Variants in CDYL2 observed in about 807,000 individuals in gnomAD.
The protein encoded by CDYL2 is chromodomain Y-like protein 2.
Under a neutral mutation model 49.4 loss-of-function variants are expected in CDYL2, and 23 were observed. The ratio of observed to expected loss-of-function variants is 0.47; its 90% CI spans 0.34 to 0.66. The LOEUF is 0.66. Ranked by LOEUF, CDYL2 falls within the 30% of genes least tolerant of loss-of-function variation. CDYL2 has a pLI of 0.01. For missense variants in CDYL2, 678 were observed against 656.4 expected (o/e 1.03, Z -0.36); for synonymous variants, 360 against 268.8 (o/e 1.34, Z -3.32).
At chr16:80,702,042 G>T (rs549841878) in intron 1 of CDYL2, among the ~76,000 whole-genome samples, 45 of 152,254 alleles carry the variant, frequency 3.0e-4, no homozygotes, top group South Asian at 8.3e-4. Context: ...CCAAATAGCA[G>T]AATTATTGCA....
rs1906662122 is a variant in CDYL2 at position 80,612,803 on chromosome 16, C to T, written c.1041G>A (p.Lys347=). 6.2e-7 allele frequency: 1 copy of T among 1,613,658 alleles called. No individual in the cohort carries two copies. The highest frequency in any genetic ancestry group is 8.5e-7 in the Non-Finnish European group (1 of 1,179,854). Residue 347 remains lysine (K), a synonymous_variant, in exon 5 of 7, where the codon AAG becomes AAA. Coordinates refer to ENST00000570137, the MANE Select transcript of CDYL2 (RefSeq NM_152342.4). This position sits in a 1 kb window ranked among gnomAD's most constrained non-coding sequence, Gnocchi z 5.0. ...GCCCATTGATGGCCACCACGATAGG[C>T]TTCTTAAACTGGATAAAGGCCTTCA... The part of the protein sequence containing the change: ...DFVKAFIQFK[K]PIVVAINGPA...
At chr16:80,709,459 A>G (rs1904517857) in intron 1 of CDYL2, among the ~76,000 whole-genome samples, 1 of 152,126 alleles carries the variant, frequency 6.6e-6, no homozygotes, top group Non-Finnish European at 1.5e-5. Flanking sequence ...CATAACGCAA[A>G]TTTTGCATTT....
At chr16:80,680,761 T>C (rs1909937923) in intron 2 of CDYL2, among the ~76,000 whole-genome samples, 3 of 152,108 alleles carry the variant, frequency 2.0e-5, no homozygotes, top group African/African-American at 2.4e-5. Context: ...CTATGAACCA[T>C]CTCTTACGAC....
chr16:80,785,856 A>G (rs1360089287), intron 1 of CDYL2, among the ~76,000 whole-genome samples: 1 of 152,208 alleles, frequency 6.6e-6, no homozygotes, highest in African/African-American at 2.4e-5. Context: ...CACAAAAGCA[A>G]TGGGGAAAAG....
chr16:80,663,688 G>A (rs1326106026), intron 2 of CDYL2, among the ~76,000 whole-genome samples: 2 of 152,070 alleles, frequency 1.3e-5, no homozygotes, highest in Admixed American at 6.6e-5. Context: ...CGCATCCTGG[G>A]TTCAAGTGAT....
chr16:80,642,658 G>A (rs1227855975), intron 2 of CDYL2, among the ~76,000 whole-genome samples: 1 of 152,136 alleles, frequency 6.6e-6, no homozygotes, highest in Admixed American at 6.5e-5. Context: ...TCAGAATCAT[G>A]GAGGGAGGTG....
intron 1 of CDYL2, among the ~76,000 whole-genome samples, chr16:80,753,185 G>A (rs1198674371): frequency 2.0e-5 from 3 of 151,694 alleles, no homozygotes; most frequent in Non-Finnish European, 4.4e-5. Context: ...CACATAAATG[G>A]TCAATAATTT....
intron 1 of CDYL2, among the ~76,000 whole-genome samples, chr16:80,789,583 G>C (rs987864821): frequency 6.6e-6 from 1 of 151,638 alleles, no homozygotes; most frequent in Non-Finnish European, 1.5e-5. Context: ...CTGGGCAACA[G>C]AGTGAGACTC....
intron 1 of CDYL2, among the ~76,000 whole-genome samples, chr16:80,716,455 TGGATGAATGGAC>T (rs1904803244): frequency 6.6e-6 from 1 of 151,308 alleles, no homozygotes; most frequent in Admixed American, 6.6e-5. Flanking sequence ...GATGCATGGA[TGGATGAATGGAC>T]GGATAGCTGG....
chr16:80,665,439 C>T (rs149753062), intron 2 of CDYL2, among the ~76,000 whole-genome samples: 290 of 147,908 alleles, frequency 2.0e-3, no homozygotes, highest in African/African-American at 7.1e-3. Flanking sequence ...ATCTTGTGAC[C>T]AGTTGTTTCT....
At chr16:80,767,191 C>T (rs374563950) in intron 1 of CDYL2, among the ~76,000 whole-genome samples, 2 of 152,276 alleles carry the variant, frequency 1.3e-5, no homozygotes, top group African/African-American at 2.4e-5. Flanking sequence ...CCCAACTATA[C>T]AGCAAATATG....
At chr16:80,782,080 A>G (rs933594808) in intron 1 of CDYL2, among the ~76,000 whole-genome samples, 3 of 152,008 alleles carry the variant, frequency 2.0e-5, no homozygotes, top group Non-Finnish European at 4.4e-5. Context: ...ACAATAGAGA[A>G]AATCAAAGAA....
At chr16:80,662,827 G>C (rs960615227) in intron 2 of CDYL2, 10 of 449,132 alleles carry the variant, frequency 2.2e-5, no homozygotes, top group Non-Finnish European at 4.5e-5. Context: ...TCCACATCTT[G>C]ACAAGGATTT....
At chr16:80,634,252 T>A (rs1425950023) in intron 2 of CDYL2, among the ~76,000 whole-genome samples, 8 of 152,174 alleles carry the variant, frequency 5.3e-5, no homozygotes, top group African/African-American at 1.9e-4. Flanking sequence ...AACCCAAATG[T>A]CCATCAGTGA....
Position 80,612,809 on chromosome 16 carries a change from A to T in CDYL2, c.1035T>A (p.Phe345Leu). The T allele has an allele frequency of 6.2e-7, 1 of 1,613,526 alleles. No individual in the cohort carries two copies. Among genetic ancestry groups the T allele is most frequent in the South Asian group, 1.1e-5 (1 of 91,026 alleles). ...IRDFVKAFIQ[F>L]KKPIVVAING... is the part of the protein sequence containing the mutation. Reference sequence around the variant, plus strand: ...TGATGGCCACCACGATAGGCTTCTTAAACTGGATAAAGGCCTTCACAAAGT... The same window carrying T: ...TGATGGCCACCACGATAGGCTTCTTTAACTGGATAAAGGCCTTCACAAAGT... Residue 345 changes from phenylalanine (F) to leucine (L), a missense_variant, in exon 5 of 7, where the codon TTT (phenylalanine) becomes TTA (leucine). Phe to Leu is a conservative substitution (Grantham distance 22). Coordinates refer to ENST00000570137, the MANE Select transcript of CDYL2 (RefSeq NM_152342.4). The surrounding 1 kb of genome is among the most constrained non-coding windows in gnomAD (Gnocchi z 5.0).
At chr16:80,653,453 G>A (rs1908673666) in intron 2 of CDYL2, among the ~76,000 whole-genome samples, 1 of 152,110 alleles carries the variant, frequency 6.6e-6, no homozygotes, top group African/African-American at 2.4e-5. Flanking sequence ...CAACAAGAGT[G>A]AAACTCCGTC....
chr16:80,710,465 A>G (rs1183148495), intron 1 of CDYL2, among the ~76,000 whole-genome samples: 3 of 152,212 alleles, frequency 2.0e-5, no homozygotes, highest in African/African-American at 7.2e-5. Flanking sequence ...GATGTGCACT[A>G]AAGTGTTGAT....
intron 2 of CDYL2, among the ~76,000 whole-genome samples, chr16:80,655,517 T>C (rs2142426410): frequency 6.6e-6 from 1 of 152,160 alleles, no homozygotes; most frequent in East Asian, 1.9e-4. Context: ...AGGGGAGGTG[T>C]TCGTGAACCC....
At chr16:80,716,728 T>A (rs998965348) in intron 1 of CDYL2, among the ~76,000 whole-genome samples, 1 of 150,990 alleles carries the variant, frequency 6.6e-6, no homozygotes, top group Non-Finnish European at 1.5e-5. Context: ...GATGGATGGA[T>A]AATGGATGGA....
Sources: allele counts gnomAD v4.1 joint callset (sites outside exome capture counted in the v4.1 genomes callset), GRCh38; gene constraint gnomAD v4.1.1; non-coding constraint Gnocchi (gnomAD v3.1); transcripts MANE v1.5; gene names NCBI Gene and HGNC (gene_info 2026-07-23, HGNC 2026-07-21).